AUTS2: variants seen among roughly 807,000 people sequenced by gnomAD.
The protein encoded by AUTS2 is autism susceptibility gene 2 protein.
Under a neutral mutation model 112.4 loss-of-function variants are expected in AUTS2, and 17 were observed. That is an observed-to-expected ratio of 0.15 (90% CI 0.10 to 0.23). The LOEUF is 0.23. AUTS2 is among the 10% of genes least tolerant of loss of function. The pLI is 1.00. For missense variants in AUTS2, 1,510 were observed against 1,701.6 expected, an observed-to-expected ratio of 0.89 and a Z score of 1.98; for synonymous variants, 751 against 702.7, an observed-to-expected ratio of 1.07 and a Z score of -1.09.
intron 18 of AUTS2, among the ~76,000 whole-genome samples, chr7:70,788,115 A>G (rs1791635068): frequency 6.6e-6 from 1 of 151,868 alleles, no homozygotes; most frequent in Non-Finnish European, 1.5e-5. Context: ...ATCGTAACGC[A>G]TTCTTGACAA....
At chr7:70,775,264 A>T in intron 12 of AUTS2, 93 bp from the exon 13 acceptor site, 42 of 990,418 alleles carry the variant, frequency 4.2e-5, no homozygotes, top group Non-Finnish European at 5.7e-5. Flanking sequence ...TAACATTTTA[A>T]TTTCCCCTCC....
chr7:69,983,676 A>G (rs1798389706), intron 2 of AUTS2, among the ~76,000 whole-genome samples: 1 of 152,212 alleles, frequency 6.6e-6, no homozygotes, highest in Non-Finnish European at 1.5e-5. Flanking sequence ...CATTTTTATT[A>G]GTGTAGTTGA....
intron 4 of AUTS2, among the ~76,000 whole-genome samples, chr7:70,206,618 T>A (rs1810588159): frequency 6.6e-6 from 1 of 152,164 alleles, no homozygotes; most frequent in South Asian, 2.1e-4. Flanking sequence ...TGAAATGAGG[T>A]CATATATGTG....
intron 4 of AUTS2, chr7:70,292,901 G>A (rs1367607056): frequency 6.6e-6 from 1 of 152,118 alleles, no homozygotes; most frequent in Admixed American, 6.6e-5. Flanking sequence ...GCAGTTTATG[G>A]TTAACAAAGC....
intron 2 of AUTS2, among the ~76,000 whole-genome samples, chr7:69,957,573 A>G (rs1043024781): frequency 1.3e-5 from 2 of 151,906 alleles, no homozygotes; most frequent in Non-Finnish European, 2.9e-5. Context: ...ATAGTTACAT[A>G]TATATTGGGG....
intron 4 of AUTS2, among the ~76,000 whole-genome samples, chr7:70,137,298 G>T (rs1806616801): frequency 1.3e-5 from 2 of 151,958 alleles, no homozygotes; most frequent in Non-Finnish European, 2.9e-5. Context: ...GAATAATGTG[G>T]GTGTTATACA....
At chr7:70,524,117 A>G (rs551494113) in intron 5 of AUTS2, among the ~76,000 whole-genome samples, 2 of 152,358 alleles carry the variant, frequency 1.3e-5, no homozygotes, top group African/African-American at 4.8e-5. Flanking sequence ...CTTTCTGACC[A>G]TGGATGCCAA....
intron 2 of AUTS2, among the ~76,000 whole-genome samples, chr7:69,990,272 G>A (rs1321918175): frequency 6.6e-6 from 1 of 152,162 alleles, no homozygotes; most frequent in Non-Finnish European, 1.5e-5. Context: ...TCAGCCAGTA[G>A]AAGTATTTTG....
At chr7:70,230,547 G>T (rs1179182091) in intron 4 of AUTS2, among the ~76,000 whole-genome samples, 1 of 152,194 alleles carries the variant, frequency 6.6e-6, no homozygotes, top group Non-Finnish European at 1.5e-5. Flanking sequence ...TCAGCAGTCA[G>T]CCTATTTACC....
intron 2 of AUTS2, among the ~76,000 whole-genome samples, chr7:70,083,831 C>T (rs1584694397): frequency 1.3e-5 from 2 of 152,224 alleles, no homozygotes; most frequent in African/African-American, 4.8e-5. Flanking sequence ...TCTGTAGTCC[C>T]AGCTACTCAG....
intron 6 of AUTS2, among the ~76,000 whole-genome samples, chr7:70,727,597 C>G (rs1787114835): frequency 6.6e-6 from 1 of 152,202 alleles, no homozygotes; most frequent in African/African-American, 2.4e-5. Context: ...ATCTGCCTGC[C>G]TCAGCCTCCC....
chr7:70,218,744 T>A (rs1436565154), intron 4 of AUTS2, among the ~76,000 whole-genome samples: 2 of 152,204 alleles, frequency 1.3e-5, no homozygotes, highest in Non-Finnish European at 2.9e-5. Context: ...TCATTCTTGG[T>A]AGATGGGGCC....
intron 5 of AUTS2, among the ~76,000 whole-genome samples, chr7:70,524,791 A>G (rs531793557): frequency 1.3e-5 from 2 of 152,354 alleles, no homozygotes; most frequent in South Asian, 2.1e-4. Context: ...ATTAACATCA[A>G]TAGGAATTGT....
intron 1 of AUTS2, among the ~76,000 whole-genome samples, chr7:69,627,352 G>A (rs913008154): frequency 4.6e-5 from 7 of 152,070 alleles, no homozygotes; most frequent in African/African-American, 1.2e-4. Flanking sequence ...TTAGCCAGGC[G>A]TGGTGGCACA....
chr7:69,993,682 C>T (rs1052105180), intron 2 of AUTS2, among the ~76,000 whole-genome samples: 9 of 151,366 alleles, frequency 5.9e-5, no homozygotes, highest in Non-Finnish European at 3.0e-5. Context: ...TACAGTGAGC[C>T]GTGATCATAT....
At chr7:69,992,725 A>T (rs1563021582) in intron 2 of AUTS2, among the ~76,000 whole-genome samples, 1 of 152,094 alleles carries the variant, frequency 6.6e-6, no homozygotes, top group African/African-American at 2.4e-5. Context: ...CTCTACAGAA[A>T]AATGAAAACA....
chr7:70,554,672 G>C (rs1174429958), intron 5 of AUTS2, among the ~76,000 whole-genome samples: 6 of 152,138 alleles, frequency 3.9e-5, no homozygotes, highest in Non-Finnish European at 5.9e-5. Context: ...AGCCAGCCTG[G>C]AGGTAGAAGG....
chr7:70,579,904 A>C (rs1802355379), intron 5 of AUTS2, among the ~76,000 whole-genome samples: 1 of 152,192 alleles, frequency 6.6e-6, no homozygotes, highest in Non-Finnish European at 1.5e-5. Context: ...AACATGATTC[A>C]TAATCAGTCT....
chr7:70,710,663 G>GGA (rs1810001119), intron 6 of AUTS2, among the ~76,000 whole-genome samples: 1 of 152,174 alleles, frequency 6.6e-6, no homozygotes, highest in South Asian at 2.1e-4. Context: ...ATTTAAGGAG[G>GGA]GAGAGGCTGA....
Sources: gnomAD v4.1 joint callset for allele counts (sites outside exome capture counted in the v4.1 genomes callset) on GRCh38, gnomAD v4.1.1 for gene constraint, MANE v1.5 for transcripts, NCBI Gene and HGNC (gene_info 2026-07-23, HGNC 2026-07-21) for gene names.